ASTN2: variants seen among roughly 807,000 people sequenced by gnomAD.
The protein encoded by ASTN2 is astrotactin-2.
ASTN2 carries 54 observed loss-of-function variants against 139.8 expected under a neutral mutation model. The observed-to-expected ratio is 0.39, with a 90% confidence interval of 0.31 to 0.48. The LOEUF (loss-of-function observed/expected upper bound fraction) is 0.48, where lower values mean the gene tolerates loss of function less well. ASTN2 is among the 20% of genes least tolerant of loss of function. The pLI is 0.95. For synonymous variants in ASTN2, 756 were observed against 719.5 expected (o/e 1.05, Z -0.81); for missense variants, 1,565 against 1,725.1 (o/e 0.91, Z 1.64).
intron 19 of ASTN2, among the ~76,000 whole-genome samples, chr9:116,532,137 T>C (rs371504616): frequency 6.6e-6 from 1 of 152,268 alleles, no homozygotes; most frequent in Non-Finnish European, 1.5e-5. Flanking sequence ...CATTTTTGCA[T>C]GTGTCTTTTG....
intron 1 of ASTN2, among the ~76,000 whole-genome samples, chr9:117,385,241 C>T (rs1830367060): frequency 6.6e-6 from 1 of 152,172 alleles, no homozygotes; most frequent in Non-Finnish European, 1.5e-5. Flanking sequence ...CTTCCCACCT[C>T]AGTCTCCCAC....
intron 16 of ASTN2, among the ~76,000 whole-genome samples, chr9:116,718,365 GC>G (rs1359882640): frequency 1.3e-5 from 2 of 152,196 alleles, no homozygotes; most frequent in African/African-American, 2.4e-5. Context: ...AACTGTTAGA[GC>G]CCTGAGGCCA....
intron 13 of ASTN2, among the ~76,000 whole-genome samples, chr9:116,755,221 TG>T (rs1346660461): frequency 2.6e-5 from 4 of 152,172 alleles, no homozygotes; most frequent in South Asian, 2.1e-4. Context: ...CTGGAAACTG[TG>T]AATGACACCT....
chr9:116,664,568 A>G (rs1309919020), intron 16 of ASTN2, among the ~76,000 whole-genome samples: 1 of 151,692 alleles, frequency 6.6e-6, no homozygotes, highest in Non-Finnish European at 1.5e-5. Flanking sequence ...AGAGTTCTGC[A>G]GTATATCTTC....
chr9:116,632,896 T>C (rs1204023085), intron 17 of ASTN2, among the ~76,000 whole-genome samples: 1 of 152,222 alleles, frequency 6.6e-6, no homozygotes, highest in Non-Finnish European at 1.5e-5. Context: ...TTATTTGCCT[T>C]ATTTTATCAG....
intron 19 of ASTN2, among the ~76,000 whole-genome samples, chr9:116,561,402 G>A (rs1852907740): frequency 6.6e-6 from 1 of 152,044 alleles, no homozygotes; most frequent in Admixed American, 6.6e-5. Context: ...GGTAAAATCA[G>A]TTATATTTTT....
intron 5 of ASTN2, among the ~76,000 whole-genome samples, chr9:117,094,443 G>T (rs1393007183): frequency 1.3e-5 from 2 of 152,156 alleles, no homozygotes; most frequent in African/African-American, 4.8e-5. Flanking sequence ...GGGACCCATT[G>T]ACTTCCCCAG....
chr9:116,618,200 TA>T, intron 19 of ASTN2, 123 bp downstream of exon 19: 2 of 1,088,742 alleles, frequency 1.8e-6, no homozygotes, highest in African/African-American at 1.6e-5. Context: ...GAAAAATCAC[TA>T]AACAATGAAA....
chr9:116,957,915 G>A (rs1180313184), intron 10 of ASTN2, among the ~76,000 whole-genome samples: 2 of 152,110 alleles, frequency 1.3e-5, no homozygotes, highest in East Asian at 1.9e-4. Flanking sequence ...TCCTGACCTC[G>A]TGATCCACCT....
At chr9:116,636,189 T>C (rs760984946) in intron 17 of ASTN2, among the ~76,000 whole-genome samples, 25 of 152,318 alleles carry the variant, frequency 1.6e-4, no homozygotes, top group Non-Finnish European at 2.8e-4. Flanking sequence ...CAGTCTCCTT[T>C]AGCCACTCAA....
chr9:116,577,757 T>C (rs1853780461), intron 19 of ASTN2, among the ~76,000 whole-genome samples: 2 of 152,158 alleles, frequency 1.3e-5, no homozygotes. Context: ...TGGTCCCTAT[T>C]TTACAGATGA....
At chr9:117,267,313 CA>C (rs1833959117) in intron 2 of ASTN2, among the ~76,000 whole-genome samples, 1 of 152,034 alleles carries the variant, frequency 6.6e-6, no homozygotes, top group African/African-American at 2.4e-5. Context: ...GATCCTAGTA[CA>C]GTAAAAGGGC....
At chr9:116,839,799 T>C (rs923897029) in intron 11 of ASTN2, among the ~76,000 whole-genome samples, 3 of 151,474 alleles carry the variant, frequency 2.0e-5, no homozygotes, top group Admixed American at 6.6e-5. Context: ...GCCTCCTGAG[T>C]AGCCGGGACC....
chr9:117,249,693 CTTTTTT>C (rs56222565), intron 2 of ASTN2, among the ~76,000 whole-genome samples: 15 of 146,812 alleles, frequency 1.0e-4, no homozygotes, highest in African/African-American at 3.8e-4. Context: ...CTGACATTGT[CTTTTTT>C]TTTTTTAACT....
intron 20 of ASTN2, among the ~76,000 whole-genome samples, chr9:116,478,662 G>C (rs918529064): frequency 5.3e-5 from 8 of 152,068 alleles, no homozygotes; most frequent in Non-Finnish European, 8.8e-5. Flanking sequence ...AGTTGCCAGG[G>C]GCTGGTGTCT....
chr9:117,337,761 C>G (rs1311122556), intron 1 of ASTN2, among the ~76,000 whole-genome samples: 1 of 152,070 alleles, frequency 6.6e-6, no homozygotes, highest in Admixed American at 6.6e-5. Context: ...AGTGAAAACA[C>G]TATATGGGGC....
At chr9:117,010,806 G>A (rs1264777256) in intron 6 of ASTN2, among the ~76,000 whole-genome samples, 1 of 152,164 alleles carries the variant, frequency 6.6e-6, no homozygotes, top group African/African-American at 2.4e-5. Flanking sequence ...GATCCCATGG[G>A]GAGATCTGGG....
intron 1 of ASTN2, among the ~76,000 whole-genome samples, chr9:117,358,879 T>C (rs772864933): frequency 2.0e-5 from 3 of 152,050 alleles, no homozygotes; most frequent in Admixed American, 6.6e-5. Flanking sequence ...AGAACTTCCC[T>C]TCATATATCC....
intron 19 of ASTN2, among the ~76,000 whole-genome samples, chr9:116,588,427 G>T (rs991268146): frequency 5.9e-5 from 9 of 152,152 alleles, no homozygotes; most frequent in African/African-American, 2.2e-4. Context: ...TGACAGTGGG[G>T]TCATAGCAAC....
Sources: allele counts gnomAD v4.1 joint callset (sites outside exome capture counted in the v4.1 genomes callset), GRCh38; gene constraint gnomAD v4.1.1; transcripts MANE v1.5; gene names NCBI Gene and HGNC (gene_info 2026-07-23, HGNC 2026-07-21).